ETS1: variants seen among roughly 807,000 people sequenced by gnomAD.
The protein encoded by ETS1 is ETS proto-oncogene 1, transcription factor.
ETS1 carries 15 observed loss-of-function variants against 58.6 expected under a neutral mutation model. The observed-to-expected ratio is 0.26, with a 90% CI of 0.17 to 0.39. The LOEUF is 0.39. ETS1 is among the 10% of genes least tolerant of loss of function. The pLI, the probability that ETS1 is intolerant of heterozygous loss-of-function variation, is 1.00. For missense variants in ETS1, 417 were observed against 610.5 expected (o/e 0.68, Z 3.34); for synonymous variants, 214 against 218.2 (o/e 0.98, Z 0.17).
At chr11:128,480,116 T>G in intron 8 of ETS1, 75 bp downstream of exon 8, 1 of 1,573,868 alleles carries the variant, frequency 6.4e-7, no homozygotes, top group Non-Finnish European at 8.6e-7. Flanking sequence ...TGGTCAGAGG[T>G]GCAGAGTGCC....
chr11:128,491,592 C>T (rs1185052978), intron 3 of ETS1, among the ~76,000 whole-genome samples: 1 of 152,228 alleles, frequency 6.6e-6, no homozygotes, highest in Non-Finnish European at 1.5e-5. Context: ...TCAGCATCAA[C>T]TACAAAAAGA....
intron 8 of ETS1, among the ~76,000 whole-genome samples, chr11:128,474,974 C>T (rs1862283574): frequency 6.6e-6 from 1 of 152,252 alleles, no homozygotes; most frequent in Non-Finnish European, 1.5e-5. Context: ...CAGTGAAATG[C>T]CCTAACTTCT....
At chr11:128,580,639 C>A (rs1864847528) in intron 1 of ETS1, among the ~76,000 whole-genome samples, 1 of 152,170 alleles carries the variant, frequency 6.6e-6, no homozygotes, top group African/African-American at 2.4e-5. Context: ...AGTGAATATT[C>A]CTTCTTATTT....
At chr11:128,539,417 T>C (rs1864021485) in intron 3 of ETS1, among the ~76,000 whole-genome samples, 1 of 152,202 alleles carries the variant, frequency 6.6e-6, no homozygotes, top group African/African-American at 2.4e-5. Flanking sequence ...AAAGAAGGTA[T>C]AAGAATGACT....
At chr11:128,509,897 T>C (rs1456821980) in intron 3 of ETS1, among the ~76,000 whole-genome samples, 1 of 152,186 alleles carries the variant, frequency 6.6e-6, no homozygotes, top group Non-Finnish European at 1.5e-5. Context: ...CCTCAAAGGG[T>C]TGTTTAAAGA....
At chr11:128,538,219 GAA>G (rs899409519) in intron 3 of ETS1, among the ~76,000 whole-genome samples, 1 of 152,106 alleles carries the variant, frequency 6.6e-6, no homozygotes, top group Non-Finnish European at 1.5e-5. Flanking sequence ...AATTATCCTA[GAA>G]AAGTCTACTG....
intron 3 of ETS1, among the ~76,000 whole-genome samples, chr11:128,520,246 C>T (rs1178722738): frequency 6.6e-6 from 1 of 152,106 alleles, no homozygotes; most frequent in African/African-American, 2.4e-5. Flanking sequence ...TATTAAATTA[C>T]CAAAAAAATT....
At chr11:128,502,361 G>A (rs1863113056) in intron 3 of ETS1, among the ~76,000 whole-genome samples, 1 of 152,212 alleles carries the variant, frequency 6.6e-6, no homozygotes. Context: ...GCTCTGCCCA[G>A]CCCAAAGCAA....
intron 2 of ETS1, among the ~76,000 whole-genome samples, chr11:128,565,960 G>C (rs1041087699): frequency 6.6e-6 from 1 of 152,202 alleles, no homozygotes; most frequent in Non-Finnish European, 1.5e-5. Flanking sequence ...CTATGGGCTG[G>C]AAGTGAGTGT....
intron 3 of ETS1, among the ~76,000 whole-genome samples, chr11:128,503,924 C>T (rs74578778): frequency 0.014 from 2,119 of 152,252 alleles, 59 homozygotes; most frequent in African/African-American, 0.047. Context: ...AATACCAGCA[C>T]GCCAGCTAAA....
At chr11:128,470,958 A>C (rs1156444243) in intron 8 of ETS1, among the ~76,000 whole-genome samples, 1 of 152,204 alleles carries the variant, frequency 6.6e-6, no homozygotes, top group Admixed American at 6.5e-5. Context: ...TTTGCAAGTG[A>C]AAGTATCACA....
At chr11:128,569,234 C>T (rs1031583502) in intron 2 of ETS1, among the ~76,000 whole-genome samples, 3 of 150,080 alleles carry the variant, frequency 2.0e-5, no homozygotes, top group African/African-American at 4.9e-5. Flanking sequence ...CTTTGGGGGA[C>T]AAAAGCACCC....
intron 3 of ETS1, among the ~76,000 whole-genome samples, chr11:128,548,669 C>A (rs1864176214): frequency 6.6e-6 from 1 of 152,324 alleles, no homozygotes; most frequent in Middle Eastern, 3.4e-3. Flanking sequence ...TGCCACAGGC[C>A]GAAGGGCGAG....
chr11:128,503,638 C>A (rs528471652), intron 3 of ETS1, among the ~76,000 whole-genome samples: 3 of 152,252 alleles, frequency 2.0e-5, no homozygotes, highest in South Asian at 4.1e-4. Flanking sequence ...TGACCTGGTA[C>A]GGTACTTCAT....
intron 2 of ETS1, among the ~76,000 whole-genome samples, chr11:128,571,180 G>A (rs2135578107): frequency 6.6e-6 from 1 of 152,044 alleles, no homozygotes; most frequent in East Asian, 1.9e-4. Flanking sequence ...TGTAATCCCA[G>A]CACTTTGGGA....
chr11:128,573,057 C>A lies in ETS1; in HGVS notation c.69+5G>T. The A allele has an allele frequency of 6.2e-7, 1 of 1,602,110 alleles. No individual in the cohort carries two copies. Among genetic ancestry groups the A allele is most frequent in the South Asian group, 1.1e-5 (1 of 88,426 alleles). On this transcript the variant is annotated splice_donor_5th_base_variant and intron_variant, in intron 2 of 9. Coordinates refer to ENST00000392668, the MANE Select transcript of ETS1 (RefSeq NM_001143820.2). ...CAAAGGGGCAGGGAAGGGGCCACCA[C>A]TCACCACCACTGCAGGACGAGGCGC...
At chr11:128,522,391 G>C (rs1013615896) in intron 3 of ETS1, 1 of 974,848 alleles carries the variant, frequency 1.0e-6, no homozygotes, top group African/African-American at 1.7e-5. Flanking sequence ...CGTCTCGGCC[G>C]CTGGGTCCGC....
intron 2 of ETS1, among the ~76,000 whole-genome samples, chr11:128,556,994 C>T (rs181862524): frequency 7.9e-5 from 12 of 152,320 alleles, no homozygotes; most frequent in Non-Finnish European, 1.3e-4. Context: ...TTGTGCCACA[C>T]TCTTAGTAAT....
intron 3 of ETS1, chr11:128,505,172 TA>T (rs1202125319): frequency 6.6e-6 from 1 of 152,210 alleles, no homozygotes; most frequent in Non-Finnish European, 1.5e-5. Flanking sequence ...TCATATCATT[TA>T]AAGGTTTTAC....
Sources: allele counts gnomAD v4.1 joint callset (sites outside exome capture counted in the v4.1 genomes callset), GRCh38; gene constraint gnomAD v4.1.1; transcripts MANE v1.5; gene names NCBI Gene and HGNC (gene_info 2026-07-23, HGNC 2026-07-21).